The following RAP1GDS1 variants were observed in gnomAD, a reference collection of about 807,000 sequenced individuals.
RAP1GDS1 encodes Rap1 GTPase-GDP dissociation stimulator 1.
Under a neutral mutation model 71.1 loss-of-function variants are expected in RAP1GDS1, and 35 were observed. That is an observed-to-expected ratio of 0.49 (90% confidence interval 0.38 to 0.65). The LOEUF is 0.65. Ranked by LOEUF, RAP1GDS1 falls within the 30% of genes least tolerant of loss-of-function variation. The pLI is 0.00. For missense variants in RAP1GDS1, 663 were observed against 706.1 expected (o/e 0.94, Z 0.69); for synonymous variants, 229 against 243.1 (o/e 0.94, Z 0.54).
At chr4:98,414,515 C>G (rs1387353885) in intron 7 of RAP1GDS1, among the ~76,000 whole-genome samples, 2 of 150,460 alleles carry the variant, frequency 1.3e-5, no homozygotes, top group Non-Finnish European at 2.9e-5. Context: ...TGTCAAAGAT[C>G]AGATAGTTGT....
intron 4 of RAP1GDS1, among the ~76,000 whole-genome samples, chr4:98,358,774 G>A (rs921043241): frequency 2.6e-5 from 4 of 151,980 alleles, no homozygotes; most frequent in African/African-American, 9.7e-5. Flanking sequence ...GATGAAATAT[G>A]AATAAGGTCT....
At chr4:98,335,350 TG>T (rs1428646539) in intron 2 of RAP1GDS1, among the ~76,000 whole-genome samples, 1 of 152,142 alleles carries the variant, frequency 6.6e-6, no homozygotes, top group Non-Finnish European at 1.5e-5. Flanking sequence ...TCACTGAGGT[TG>T]TAAGTTTGTG....
At chr4:98,334,477 A>T (rs1305785545) in intron 2 of RAP1GDS1, among the ~76,000 whole-genome samples, 1 of 152,164 alleles carries the variant, frequency 6.6e-6, no homozygotes, top group African/African-American at 2.4e-5. Context: ...TTTGTTTGCC[A>T]GTCTGATTTG....
rs760498395 is a variant in RAP1GDS1 at position 98,442,047 on chromosome 4, G to T, written c.1754G>T (p.Arg585Leu). 1 of 1,613,890 alleles carries T rather than the reference G, an allele frequency of 6.2e-7. No homozygotes were observed. The highest frequency in any genetic ancestry group is 8.5e-7 in the Non-Finnish European group (1 of 1,179,976). The change falls in exon 15 of 15, where the codon CGC (arginine) becomes CTC (leucine). Residue 585 changes from arginine (R) to leucine (L), a missense_variant. Arg to Leu is a moderately radical substitution (Grantham distance 102). Transcript: ENST00000408927. ...LAFLDVVSKLRSHENKSVAQQ... is the reference protein window; with the variant it reads ...LAFLDVVSKLLSHENKSVAQQ... ...TTTCTAGATGTCGTATCCAAACTTC[G>T]CAGTCATGAGAACAAAAGTGTTGCC...
chr4:98,393,424 G>C (rs879731728), intron 6 of RAP1GDS1, among the ~76,000 whole-genome samples: 1 of 152,016 alleles, frequency 6.6e-6, no homozygotes, highest in Non-Finnish European at 1.5e-5. Flanking sequence ...GTGAGACCAA[G>C]AATAAAAGTA....
chr4:98,415,133 C>T (rs1454269172), intron 7 of RAP1GDS1, among the ~76,000 whole-genome samples: 1 of 152,302 alleles, frequency 6.6e-6, no homozygotes, highest in Non-Finnish European at 1.5e-5. Flanking sequence ...CTCCTACTTG[C>T]ACATCCGTTT....
intron 12 of RAP1GDS1, among the ~76,000 whole-genome samples, chr4:98,427,535 A>G (rs1333227323): frequency 6.6e-6 from 1 of 152,184 alleles, no homozygotes; most frequent in Non-Finnish European, 1.5e-5. Context: ...TACAAAATTA[A>G]TGTACACAAA....
At position 98,435,976 on chromosome 4, in the gene RAP1GDS1, C is replaced by T. The variant is rs906636286; in HGVS notation, c.1568-964C>T. 8.6e-5 allele frequency among the ~76,000 whole-genome samples: 13 copies of T among 151,356 alleles called. 1 individual carries two copies. The East Asian group carries it at 2.3e-3, about 27-fold the overall frequency. On this transcript the variant is annotated intron_variant, in intron 13 of 14. Coordinates refer to ENST00000408927, the MANE Select transcript of RAP1GDS1 (RefSeq NM_001100427.2). ...GTCCCAGCTACTTGAGAGGCTGAGG[C>T]AGGAGAATGGCGTGAACCCAGGAGG...
chr4:98,351,671 T>A (rs1025843331), intron 3 of RAP1GDS1, among the ~76,000 whole-genome samples: 4 of 151,946 alleles, frequency 2.6e-5, no homozygotes, highest in African/African-American at 9.7e-5. Flanking sequence ...TACTTCCTTA[T>A]GTTTTGTAGT....
At chr4:98,317,961 G>A (rs1342197298) in intron 2 of RAP1GDS1, among the ~76,000 whole-genome samples, 1 of 151,310 alleles carries the variant, frequency 6.6e-6, no homozygotes. Flanking sequence ...TCGTGCCTCA[G>A]CTTCCTCAGT....
chr4:98,281,109 A>G (rs900600043), intron 1 of RAP1GDS1, among the ~76,000 whole-genome samples: 3 of 152,072 alleles, frequency 2.0e-5, no homozygotes, highest in African/African-American at 7.2e-5. Context: ...TTTTGGTTTT[A>G]TATGAACTTG....
intron 7 of RAP1GDS1, among the ~76,000 whole-genome samples, chr4:98,416,007 C>A (rs1159839320): frequency 6.6e-6 from 1 of 152,092 alleles, no homozygotes; most frequent in Non-Finnish European, 1.5e-5. Context: ...ACCTTGAACT[C>A]CTGGCCTCAA....
chr4:98,342,084 G>A (rs1203558317), intron 2 of RAP1GDS1, among the ~76,000 whole-genome samples: 5 of 151,996 alleles, frequency 3.3e-5, no homozygotes, highest in Non-Finnish European at 7.4e-5. Flanking sequence ...CGCTCATAAT[G>A]GATTGGGACC....
chr4:98,272,147 C>T (rs774104106), intron 1 of RAP1GDS1, among the ~76,000 whole-genome samples: 2 of 152,070 alleles, frequency 1.3e-5, no homozygotes, highest in East Asian at 1.9e-4. Flanking sequence ...GGCCATGAGG[C>T]GGAATCAAAG....
intron 10 of RAP1GDS1, among the ~76,000 whole-genome samples, chr4:98,419,071 T>A (rs897629411): frequency 6.6e-6 from 1 of 152,212 alleles, no homozygotes; most frequent in South Asian, 2.1e-4. Flanking sequence ...CTTTTTTAAG[T>A]TTGAGATGGG....
chr4:98,427,748 G>A (rs4699629), intron 12 of RAP1GDS1, among the ~76,000 whole-genome samples: 10,033 of 152,160 alleles, frequency 0.066, 381 homozygotes, highest in Admixed American at 0.13. Context: ...AATGCTCACC[G>A]ATGGGTAGAA....
intron 2 of RAP1GDS1, among the ~76,000 whole-genome samples, chr4:98,298,326 G>T (rs1165250446): frequency 6.6e-6 from 1 of 152,198 alleles, no homozygotes; most frequent in Non-Finnish European, 1.5e-5. Flanking sequence ...CAGTATAGAT[G>T]AAACAGCTTG....
At chr4:98,395,725 A>C (rs943150860) in intron 6 of RAP1GDS1, among the ~76,000 whole-genome samples, 1 of 152,152 alleles carries the variant, frequency 6.6e-6, no homozygotes, top group Admixed American at 6.5e-5. Flanking sequence ...TCCACCTCTT[A>C]TACTTTCCAT....
chr4:98,398,416 A>G (rs1380477841), intron 6 of RAP1GDS1, among the ~76,000 whole-genome samples: 1 of 152,172 alleles, frequency 6.6e-6, no homozygotes, highest in East Asian at 1.9e-4. Context: ...ACCATAGCGC[A>G]TCAATGTGAA....
Sources: gnomAD v4.1 joint callset for allele counts (sites outside exome capture counted in the v4.1 genomes callset) on GRCh38, gnomAD v4.1.1 for gene constraint, MANE v1.5 for transcripts, NCBI Gene and HGNC (gene_info 2026-07-23, HGNC 2026-07-21) for gene names.